Variants in CNGA3 observed in about 807,000 individuals in gnomAD.
CNGA3 encodes the protein cyclic nucleotide-gated channel alpha-3.
CNGA3 carries 42 observed loss-of-function variants against 46.6 expected under a neutral mutation model. The observed-to-expected ratio is 0.90, with a 90% CI of 0.70 to 1.17. The LOEUF (loss-of-function observed/expected upper bound fraction) is 1.17. Ranked by LOEUF, CNGA3 falls within the 50% of genes most tolerant of loss-of-function variation. The pLI is 0.00. For synonymous variants in CNGA3, 394 were observed against 369.4 expected (o/e 1.07, Z -0.76); for missense variants, 893 against 890.7 (o/e 1.00, Z -0.03).
chr2:98,383,545 C>A, intron 5 of CNGA3, 104 bp downstream of exon 5: 2 of 1,015,548 alleles, frequency 2.0e-6, no homozygotes, highest in Non-Finnish European at 1.6e-6. Flanking sequence ...CTCCCCACTC[C>A]CAGAGCACCA....
intron 5 of CNGA3, among the ~76,000 whole-genome samples, chr2:98,384,782 G>A (rs2104217257): frequency 6.6e-6 from 1 of 152,256 alleles, no homozygotes; most frequent in African/African-American, 2.4e-5. Context: ...GCTGGGGTGT[G>A]GGCAAGGATG....
At position 98,396,208 on chromosome 2, in the gene CNGA3, G is replaced by A; in HGVS notation, c.1038G>A (p.Gly346=). Residue 346 remains glycine (G), a synonymous_variant, in exon 8 of 8, where the codon GGG becomes GGA. Coordinates refer to ENST00000272602, the MANE Select transcript of CNGA3 (RefSeq NM_001298.3). ...CAAACATCTCAATCCCAGAGCATGG[G>A]CGCCTCTCCAGGAAGTACATTTACA... is the stretch of plus-strand genomic sequence containing the variant. ...VYPNISIPEH[G]RLSRKYIYSL... is the part of the protein sequence containing the mutation. 1 of 1,614,112 alleles carries A rather than the reference G, an allele frequency of 6.2e-7. No individual in the cohort carries two copies. Among genetic ancestry groups the A allele is most frequent in the East Asian group, 2.2e-5 (1 of 44,876 alleles).
At chr2:98,347,855 C>T (rs563524711) in intron 1 of CNGA3, among the ~76,000 whole-genome samples, 34 of 152,372 alleles carry the variant, frequency 2.2e-4, no homozygotes, top group African/African-American at 8.2e-4. Context: ...CCCCCTCCCC[C>T]CAACACATAC....
Position 98,397,170 on chromosome 2 carries a change from G to A in CNGA3, c.2000G>A (p.Ser667Asn). 1 of 1,614,160 alleles carries A rather than the reference G, an allele frequency of 6.2e-7. No individual in the cohort carries two copies. Among genetic ancestry groups the A allele is most frequent in the Non-Finnish European group, 8.5e-7 (1 of 1,180,028 alleles). The change falls in exon 8 of 8, where the codon AGC becomes AAC. Residue 667 changes from serine to asparagine, a missense_variant. Physicochemically the swap from Ser to Asn is conservative, Grantham distance 46. This residue lies in a region of CNGA3 where 548 missense variants were observed against 570.8 expected (regional missense o/e 0.96). Coordinates refer to ENST00000272602, the MANE Select transcript of CNGA3 (RefSeq NM_001298.3). ...KMKQRLSQLESQVKGGGDKPL... is the reference protein window; with the variant it reads ...KMKQRLSQLENQVKGGGDKPL... ...AAGCAGCGTCTCAGCCAACTGGAAA[G>A]CCAGGTGAAGGGTGGTGGGGACAAG...
Position 98,396,744 on chromosome 2 carries a change from G to A in CNGA3, c.1574G>A (p.Gly525Asp). 1 of 1,614,168 alleles carries A rather than the reference G, an allele frequency of 6.2e-7. No individual in the cohort carries two copies. The highest frequency in any genetic ancestry group is 8.5e-7 in the Non-Finnish European group (1 of 1,180,026). ...AAGGAGATGTACATCATCAACGAGG[G>A]CAAGCTGGCCGTGGTGGCTGATGAT... ...IGKEMYIINE[G>D]KLAVVADDGV... The change falls in exon 8 of 8, where the codon GGC becomes GAC. Residue 525 changes from glycine (G) to aspartate (D), a missense_variant. Around this residue, in one of 3 missense-constraint regions of CNGA3, gnomAD observed 548 missense variants for 570.8 expected, o/e 0.96. Coordinates refer to ENST00000272602, the MANE Select transcript of CNGA3 (RefSeq NM_001298.3).
At chr2:98,389,130 C>A (rs571851544) in intron 5 of CNGA3, among the ~76,000 whole-genome samples, 2 of 152,162 alleles carry the variant, frequency 1.3e-5, no homozygotes, top group African/African-American at 4.8e-5. Flanking sequence ...TTACATCGTC[C>A]GCACAAACAC....
At chr2:98,347,124 A>G (rs1691650658) in intron 1 of CNGA3, 1 of 152,334 alleles carries the variant, frequency 6.6e-6, no homozygotes, top group Admixed American at 6.5e-5. Flanking sequence ...GGCAGCGGCG[A>G]AGGACTGCCC....
intron 1 of CNGA3, among the ~76,000 whole-genome samples, chr2:98,355,512 G>C (rs1691860676): frequency 6.6e-6 from 1 of 152,078 alleles, no homozygotes; most frequent in Non-Finnish European, 1.5e-5. Context: ...TTTCAACTCT[G>C]TTCCACAGTT....
chr2:98,381,969 T>G (rs370123238), intron 4 of CNGA3, among the ~76,000 whole-genome samples: 19 of 152,218 alleles, frequency 1.2e-4, no homozygotes, highest in African/African-American at 4.3e-4. Context: ...AAAGACTTCC[T>G]TATTTAAATT....
intron 1 of CNGA3, among the ~76,000 whole-genome samples, chr2:98,347,750 C>T (rs143542340): frequency 6.6e-6 from 1 of 152,170 alleles, no homozygotes; most frequent in Non-Finnish European, 1.5e-5. Context: ...TCCAAAGGGG[C>T]GAGGCTGGGA....
In CNGA3 at chr2:98,396,262, C is replaced by T. The variant is rs1692909623; in HGVS notation, c.1092C>T (p.Thr364=). The T allele has an allele frequency of 6.2e-7, 1 of 1,613,126 alleles. No individual in the cohort carries two copies. Among genetic ancestry groups the T allele is most frequent in the African/African-American group, 1.3e-5 (1 of 74,868 alleles). Residue 364 remains threonine (T), a synonymous_variant, in exon 8 of 8, where the codon ACC becomes ACT. Coordinates refer to ENST00000272602, the MANE Select transcript of CNGA3 (RefSeq NM_001298.3). The part of the protein sequence containing the change: ...YSLYWSTLTL[T]TIGETPPPVK... Reference sequence around the variant, plus strand: ...TCTACTGGTCCACCTTGACCCTTACCACCATTGGTGAGACCCCACCCCCCG... The same window carrying T: ...TCTACTGGTCCACCTTGACCCTTACTACCATTGGTGAGACCCCACCCCCCG...
At position 98,398,408 on chromosome 2, in the gene CNGA3, C is replaced by T. The variant is rs534433990; in HGVS notation, c.*1153C>T. On this transcript the variant is annotated 3_prime_UTR_variant, in exon 8 of 8. Transcript: ENST00000272602. Reference sequence around the variant, plus strand: ...CTTATGTAACATGTTGCAAATTACCCAAAGATGAGTCTTTCTTCTTTCTTT... The same window carrying T: ...CTTATGTAACATGTTGCAAATTACCTAAAGATGAGTCTTTCTTCTTTCTTT... 6.6e-6 allele frequency: 1 copy of T among 152,142 alleles called. No homozygotes were observed. Among genetic ancestry groups the T allele is most frequent in the Non-Finnish European group, 1.5e-5 (1 of 68,024 alleles). The allele number at this position is 152,142 out of a possible 1,614,324, so 9.4% of individuals were successfully genotyped here. A position where few individuals can be genotyped will look rare whatever the true frequency, so the allele number is the denominator to read the frequency against.
chr2:98,358,145 A>G (rs1158283699), intron 1 of CNGA3, among the ~76,000 whole-genome samples: 1 of 152,256 alleles, frequency 6.6e-6, no homozygotes, highest in African/African-American at 2.4e-5. Context: ...ACTCACAAAG[A>G]GTTTATCAAG....
rs1216637665 is a variant in CNGA3, at chr2:98,377,754, C to G, written c.169C>G (p.Leu57Val). The change falls in exon 3 of 8, where the codon CTG becomes GTG. Residue 57 changes from leucine to valine, a missense_variant. Leu to Val is a conservative substitution (Grantham distance 32, BLOSUM62 1). Coordinates refer to ENST00000272602, the MANE Select transcript of CNGA3 (RefSeq NM_001298.3). ...GGGGATCGCCATGGAGACCAGAGGA[C>G]TGGCTGACTCCGGGCAGGGCTCCTT... ...QPGIAMETRG[L>V]ADSGQGSFTG... The G allele has an allele frequency of 5.6e-6, 9 of 1,613,118 alleles. No homozygotes were observed. The highest frequency in any genetic ancestry group is 7.6e-6 in the Non-Finnish European group (9 of 1,180,006).
At chr2:98,382,463 G>A (rs1473966804) in intron 4 of CNGA3, among the ~76,000 whole-genome samples, 1 of 152,186 alleles carries the variant, frequency 6.6e-6, no homozygotes, top group Non-Finnish European at 1.5e-5. Context: ...GAGAGAGGGA[G>A]ATTTGGGCAG....
rs958089715 is a variant in CNGA3, at chr2:98,396,280, A to AC, written c.1116dup (p.Val373ArgfsTer4). The AC allele has an allele frequency of 5.0e-6, 8 of 1,608,366 alleles. No homozygotes were observed. Among genetic ancestry groups the AC allele is most frequent in the African/African-American group, 4.1e-5 (3 of 73,916 alleles). On this transcript the variant is annotated frameshift_variant, in exon 8 of 8. Transcript: ENST00000272602. LOFTEE classifies it high-confidence loss of function. ...CCCTTACCACCATTGGTGAGACCCC[A>AC]CCCCCCGTGAAAGATGAGGAGTATC...
At chr2:98,367,176 C>CTTTTTTTTTTT (rs1182363811) in intron 1 of CNGA3, among the ~76,000 whole-genome samples, 2 of 115,526 alleles carry the variant, frequency 1.7e-5, no homozygotes, top group Admixed American at 1.0e-4. Flanking sequence ...TGTTTTTTTT[C>CTTTTTTTTTTT]TTTTTTTTCT....
rs188437929 is a variant in CNGA3 at position 98,383,297 on chromosome 2, G to C, written c.396-91G>C. 799 of 1,193,382 alleles carry C rather than the reference G, an allele frequency of 6.7e-4. 4 individuals are homozygous for C. The highest frequency in any genetic ancestry group is 5.7e-3 in the East Asian group (242 of 42,108). 73.9% of individuals were successfully genotyped at this position (1,193,382 alleles called of 1,614,324 possible). ...GGCTGGAAGCAGTGGGATAGGGATT[G>C]GGGGGTGGGGCATGGTAATCCCCTG... On this transcript the variant is annotated intron_variant, in intron 4 of 7. Coordinates refer to ENST00000272602, the MANE Select transcript of CNGA3 (RefSeq NM_001298.3).
rs1692249513 is a variant in CNGA3, at chr2:98,370,009, T to A, written c.34T>A (p.Ser12Thr). ...GATCAACACCCAATACTCCCACCCC[T>A]CCAGGACCCACCTCAAGGTAAAGAC... The part of the protein sequence containing the change: ...AKINTQYSHP[S>T]RTHLKVKTSD... Residue 12 changes from serine (S) to threonine (T), a missense_variant, in exon 2 of 8, where the codon TCC becomes ACC. Coordinates refer to ENST00000272602, the MANE Select transcript of CNGA3 (RefSeq NM_001298.3). The A allele has an allele frequency of 6.2e-7, 1 of 1,613,844 alleles. No homozygotes were observed. Among genetic ancestry groups the A allele is most frequent in the Non-Finnish European group, 8.5e-7 (1 of 1,179,924 alleles).
Sources: allele counts gnomAD v4.1 joint callset (sites outside exome capture counted in the v4.1 genomes callset), GRCh38; gene constraint gnomAD v4.1.1; regional missense constraint gnomAD v4.1.1; transcripts MANE v1.5; gene names NCBI Gene and HGNC (gene_info 2026-07-23, HGNC 2026-07-21).